The following UBA6 variants were observed in gnomAD, a reference collection of about 807,000 sequenced individuals.
UBA6 encodes ubiquitin-like modifier-activating enzyme 6.
A neutral mutation model predicts 148.3 loss-of-function variants in UBA6; 87 were observed. The ratio of observed to expected loss-of-function variants is 0.59; its 90% confidence interval spans 0.49 to 0.70. The LOEUF (loss-of-function observed/expected upper bound fraction) is 0.70. Among genes scored for constraint, UBA6 ranks in the 30% least tolerant of loss-of-function variants. The pLI, the probability that UBA6 is intolerant of heterozygous loss-of-function variation, is 0.00. For synonymous variants in UBA6, 376 were observed against 401.0 expected (o/e 0.94, Z 0.75); for missense variants, 1,186 against 1,241.2 (o/e 0.96, Z 0.67).
rs1419599547 is a variant in UBA6, at chr4:67,661,925, AT to A, written c.1104+263del. 7.0e-6 allele frequency: 3 copies of A among 428,596 alleles called. 1 individual carries two copies. The highest frequency in any genetic ancestry group is 1.7e-4 in the South Asian group (2 of 11,856). The allele number at this position is 428,596 out of a possible 1,614,324, so 26.5% of individuals were successfully genotyped here. A position where few individuals can be genotyped will look rare whatever the true frequency, so the allele number is the denominator to read the frequency against. On this transcript the variant is annotated intron_variant, in intron 13 of 32. Coordinates refer to ENST00000322244, the MANE Select transcript of UBA6 (RefSeq NM_018227.6). Reference sequence around the variant, plus strand: ...AAGAATAATAGTAACAGTTAAAAAAATAGCAGCAAATATTAATTACTATATG... The same window carrying A: ...AAGAATAATAGTAACAGTTAAAAAAAAGCAGCAAATATTAATTACTATATG...
Position 67,637,935 on chromosome 4 carries a change from TATAAATAAATAAATAA to T in UBA6, c.1736+992_1736+1007del, listed in dbSNP as rs71219062. Among the ~76,000 whole-genome samples, 218 of 143,832 alleles carry T rather than the reference TATAAATAAATAAATAA, an allele frequency of 1.5e-3. 4 individuals are homozygous for T. In the South Asian group the frequency reaches 0.024, roughly 16 times the overall value. 94.4% of individuals were successfully genotyped at this position (143,832 alleles called of 152,430 possible). On this transcript the variant is annotated intron_variant, in intron 19 of 32. Transcript: ENST00000322244. ...GCGAGAAACACCCAAGAATGATCAA[TATAAATAAATAAATAA>T]ATAAATAAATAAATAAAAAGAAATT...
intron 5 of UBA6, among the ~76,000 whole-genome samples, chr4:67,678,086 T>C (rs1271770654): frequency 1.4e-5 from 2 of 147,278 alleles, no homozygotes; most frequent in Non-Finnish European, 3.0e-5. Flanking sequence ...ATATATAATA[T>C]ATATAAAAGA....
At chr4:67,696,112 A>G (rs1730826433) in intron 2 of UBA6, among the ~76,000 whole-genome samples, 1 of 151,540 alleles carries the variant, frequency 6.6e-6, no homozygotes, top group Admixed American at 6.6e-5. Context: ...TATAAATTAC[A>G]GAACAGGAAA....
intron 8 of UBA6, among the ~76,000 whole-genome samples, chr4:67,669,351 A>G (rs1170181782): frequency 6.6e-6 from 1 of 152,184 alleles, no homozygotes; most frequent in Non-Finnish European, 1.5e-5. Flanking sequence ...ATACAGATTG[A>G]CTTTTTGATA....
intron 6 of UBA6, among the ~76,000 whole-genome samples, chr4:67,674,848 T>C (rs548858625): frequency 4.7e-4 from 72 of 152,096 alleles, no homozygotes; most frequent in Non-Finnish European, 8.7e-4. Context: ...TTGTCCATAA[T>C]ATTTTCTCTT....
Position 67,630,459 on chromosome 4 carries a change from A to T in UBA6, c.2328+7T>A. On this transcript the variant is annotated splice_region_variant and intron_variant, in intron 26 of 32. Coordinates refer to ENST00000322244, the MANE Select transcript of UBA6 (RefSeq NM_018227.6). Reference sequence around the variant, plus strand: ...CATCACTTGCTAAGGCTTAAAGAATATCTTACCTCTTCTGCAAATGGAATA... The same window carrying T: ...CATCACTTGCTAAGGCTTAAAGAATTTCTTACCTCTTCTGCAAATGGAATA... The T allele has an allele frequency of 6.3e-7, 1 of 1,578,666 alleles. No homozygotes were observed. The highest frequency in any genetic ancestry group is 8.6e-7 in the Non-Finnish European group (1 of 1,160,170).
intron 13 of UBA6, among the ~76,000 whole-genome samples, chr4:67,656,572 T>A (rs1292409500): frequency 6.6e-6 from 1 of 152,176 alleles, no homozygotes; most frequent in African/African-American, 2.4e-5. Flanking sequence ...ACAGCCAATA[T>A]CATACTGAAT....
rs945464663 is a variant in UBA6 at position 67,625,145 on chromosome 4, T to G, written c.2561A>C (p.Asp854Ala). The change falls in exon 29 of 33, where the codon GAT (aspartate) becomes GCT (alanine). Residue 854 changes from aspartate (D) to alanine (A), a missense_variant. Transcript: ENST00000322244. The stretch of plus-strand genomic sequence containing the variant: ...GATGAAATCTATGTGTCCATTATGA[T>G]CATCATCTTTTTCAAATGAAAGCAC... Reference protein sequence around the residue: ...MAVLSFEKDDDHNGHIDFITA... With the variant: ...MAVLSFEKDDAHNGHIDFITA... 1.9e-6 allele frequency: 3 copies of G among 1,612,036 alleles called. No homozygotes were observed. Among genetic ancestry groups the G allele is most frequent in the African/African-American group, 1.3e-5 (1 of 74,994 alleles).
At chr4:67,699,225 C>T (rs896457769) in intron 1 of UBA6, among the ~76,000 whole-genome samples, 1 of 152,156 alleles carries the variant, frequency 6.6e-6, no homozygotes, top group Non-Finnish European at 1.5e-5. Context: ...GATCAATATA[C>T]TGGCAGAAGT....
Position 67,626,416 on chromosome 4 carries a change from T to C in UBA6, c.2462A>G (p.Glu821Gly), listed in dbSNP as rs1404417778. ...PDHVPISSEDERNAIFQLEKA... is the reference protein window; with the variant it reads ...PDHVPISSEDGRNAIFQLEKA... ...TTCTAGTTGGAAAATTGCATTCCTC[T>C]CATCTTCACTGCTAATAGGAACATG... Residue 821 changes from glutamate (E) to glycine (G), a missense_variant, in exon 28 of 33, where the codon GAG becomes GGG. Glu to Gly is a moderately conservative substitution (Grantham distance 98). Transcript: ENST00000322244. 2 of 1,611,662 alleles carry C rather than the reference T, an allele frequency of 1.2e-6. No homozygotes were observed. The highest frequency in any genetic ancestry group is 1.7e-5 in the Admixed American group (1 of 59,880).
chr4:67,624,242 C>T lies in UBA6; in HGVS notation c.2724G>A (p.Glu908=). The part of the protein sequence containing the change: ...TATVSGLVAL[E]MIKVTGGYPF... ...GATAGCCACCAGTTACTTTGATCAT[C>T]TCCAAGGCAACCTAGATAAAAGAAG... Residue 908 remains glutamate, a synonymous_variant, in exon 30 of 33, where the codon GAG becomes GAA. Transcript: ENST00000322244. 5 of 1,603,906 alleles carry T rather than the reference C, an allele frequency of 3.1e-6. No homozygotes were observed. Among genetic ancestry groups the T allele is most frequent in the African/African-American group, 1.3e-5 (1 of 74,364 alleles).
Position 67,676,762 on chromosome 4 carries a change from T to C in UBA6, c.465+849A>G, listed in dbSNP as rs576828052. On this transcript the variant is annotated intron_variant, in intron 6 of 32. Transcript: ENST00000322244. ...TCTGAGCATTTTCCTTACATTATTT[T>C]GAGCTCGGATAGTCATTTAAAAGAA... 2.6e-5 allele frequency among the ~76,000 whole-genome samples: 4 copies of C among 152,340 alleles called. No individual in the cohort carries two copies. The South Asian group carries it at 8.3e-4, about 32-fold the overall frequency.
At chr4:67,636,567 T>C (rs1729146902) in intron 19 of UBA6, among the ~76,000 whole-genome samples, 1 of 152,182 alleles carries the variant, frequency 6.6e-6, no homozygotes, top group Admixed American at 6.5e-5. Context: ...GGTTTTCATA[T>C]TTTTTTGGTG....
In UBA6 at chr4:67,616,627, A is replaced by C. The variant is rs572422978; in HGVS notation, c.*2370T>G. The C allele has an allele frequency of 6.6e-6, 1 of 152,340 alleles. No individual in the cohort carries two copies. Among genetic ancestry groups the C allele is most frequent in the East Asian group, 1.9e-4 (1 of 5,190 alleles). The allele number at this position is 152,340 out of a possible 1,614,324, so 9.4% of individuals were successfully genotyped here. ...TATTTCTCTCCAACTGTTTTAAAAG[A>C]ATTTCCTGGAGCCATCTGAGGACAT... On this transcript the variant is annotated 3_prime_UTR_variant, in exon 33 of 33. Transcript: ENST00000322244.
intron 32 of UBA6, among the ~76,000 whole-genome samples, chr4:67,620,885 G>A (rs1450102937): frequency 6.6e-6 from 1 of 152,140 alleles, no homozygotes; most frequent in Non-Finnish European, 1.5e-5. Context: ...GAGCAAGAAT[G>A]TGAACCCAGG....
chr4:67,691,556 T>A (rs1730694253), intron 2 of UBA6, among the ~76,000 whole-genome samples: 1 of 152,210 alleles, frequency 6.6e-6, no homozygotes, highest in African/African-American at 2.4e-5. Flanking sequence ...AAAAGTGATG[T>A]CTTGAGATTC....
Position 67,678,419 on chromosome 4 carries a change from A to G in UBA6, c.353+20T>C. ...AATAAATTTAAAAAAACTCATGATA[A>G]TACATCAAAATATCTTTACCTGTTT... is the stretch of plus-strand genomic sequence containing the variant. On this transcript the variant is annotated intron_variant, in intron 5 of 32. Coordinates refer to ENST00000322244, the MANE Select transcript of UBA6 (RefSeq NM_018227.6). 1 of 1,463,704 alleles carries G rather than the reference A, an allele frequency of 6.8e-7. No individual in the cohort carries two copies. The highest frequency in any genetic ancestry group is 9.3e-7 in the Non-Finnish European group (1 of 1,072,426). The allele number at this position is 1,463,704 out of a possible 1,614,324, so 90.7% of individuals were successfully genotyped here.
At chr4:67,697,210 G>A (rs1730862415) in intron 1 of UBA6, among the ~76,000 whole-genome samples, 1 of 152,164 alleles carries the variant, frequency 6.6e-6, no homozygotes. Flanking sequence ...TTACCATGTT[G>A]GCCAGGCTGG....
chr4:67,626,064 T>TG (rs1728860134), intron 28 of UBA6, among the ~76,000 whole-genome samples: 1 of 151,962 alleles, frequency 6.6e-6, no homozygotes, highest in African/African-American at 2.4e-5. Flanking sequence ...TTTTCATTCA[T>TG]GGTTTTAGAC....
Sources: allele counts gnomAD v4.1 joint callset (sites outside exome capture counted in the v4.1 genomes callset), GRCh38; gene constraint gnomAD v4.1.1; transcripts MANE v1.5; gene names NCBI Gene and HGNC (gene_info 2026-07-23, HGNC 2026-07-21).